The following SLC35F1 variants were observed in gnomAD, a reference collection of about 807,000 sequenced individuals.
The protein encoded by SLC35F1 is chromosome 6 open reading frame 169.
A neutral mutation model predicts 48.7 loss-of-function variants in SLC35F1; 14 were observed. That is an observed-to-expected ratio of 0.29 (90% CI 0.19 to 0.45). SLC35F1 has a LOEUF of 0.45. Among genes scored for constraint, SLC35F1 ranks in the 20% least tolerant of loss-of-function variants. The pLI is 1.00. For missense variants in SLC35F1, 404 were observed against 500.0 expected, an observed-to-expected ratio of 0.81 and a Z score of 1.83; for synonymous variants, 190 against 202.2, an observed-to-expected ratio of 0.94 and a Z score of 0.51.
intron 3 of SLC35F1, among the ~76,000 whole-genome samples, chr6:118,249,813 C>G (rs1289154407): frequency 6.6e-6 from 1 of 152,024 alleles, no homozygotes; most frequent in African/African-American, 2.4e-5. Context: ...AGCCTTTGAA[C>G]AGGAAGACAG....
intron 1 of SLC35F1, among the ~76,000 whole-genome samples, chr6:117,915,547 T>C (rs921566632): frequency 2.6e-5 from 4 of 151,774 alleles, no homozygotes; most frequent in Non-Finnish European, 4.4e-5. Flanking sequence ...AAGTAAGAGA[T>C]TGGGGAAGAA....
chr6:117,991,006 T>C (rs1445308622), intron 1 of SLC35F1, among the ~76,000 whole-genome samples: 1 of 152,216 alleles, frequency 6.6e-6, no homozygotes, highest in Non-Finnish European at 1.5e-5. Context: ...TTGCCAGTTC[T>C]TAATTTTTTT....
intron 1 of SLC35F1, among the ~76,000 whole-genome samples, chr6:117,927,768 G>T (rs143999530): frequency 4.6e-5 from 7 of 152,196 alleles, no homozygotes; most frequent in African/African-American, 1.7e-4. Flanking sequence ...CAAGTTTTGA[G>T]TTCTGGGATT....
chr6:117,994,208 C>CA (rs1318222508), intron 1 of SLC35F1, among the ~76,000 whole-genome samples: 1 of 151,974 alleles, frequency 6.6e-6, no homozygotes, highest in African/African-American at 2.4e-5. Context: ...CATTGCCCCC[C>CA]CCATCCTCAA....
chr6:118,042,771 C>G (rs7741406), intron 1 of SLC35F1, among the ~76,000 whole-genome samples: 112,759 of 151,978 alleles, frequency 0.74, 42,765 homozygotes, highest in East Asian at 0.83. Context: ...AGGAAGGGCT[C>G]GATCTAAGAG....
At position 117,951,881 on chromosome 6, in the gene SLC35F1, A is replaced by G. The variant is rs547396331; in HGVS notation, c.173+43982A>G. Among the ~76,000 whole-genome samples the G allele has an allele frequency of 4.6e-5, 7 of 152,304 alleles. No individual in the cohort carries two copies. The East Asian group carries it at 1.2e-3, about 25-fold the overall frequency. On this transcript the variant is annotated intron_variant, in intron 1 of 7. Coordinates refer to ENST00000360388, the MANE Select transcript of SLC35F1 (RefSeq NM_001029858.4). Reference sequence around the variant, plus strand: ...GGGATTCAGTCCTGATTGCCAATGGACTGCGCCTAAAGCTATCCATTAAGC... The same window carrying G: ...GGGATTCAGTCCTGATTGCCAATGGGCTGCGCCTAAAGCTATCCATTAAGC...
At chr6:118,031,941 G>C (rs1246317117) in intron 1 of SLC35F1, among the ~76,000 whole-genome samples, 1 of 152,020 alleles carries the variant, frequency 6.6e-6, no homozygotes, top group East Asian at 1.9e-4. Flanking sequence ...CCCTGTCCCT[G>C]TTTTCCCTAG....
chr6:117,909,949 T>G (rs576768202), intron 1 of SLC35F1, among the ~76,000 whole-genome samples: 90 of 152,284 alleles, frequency 5.9e-4, no homozygotes, highest in Middle Eastern at 3.4e-3. Context: ...CCTTTAGACT[T>G]AAGCTAAAAC....
chr6:118,238,679 C>T (rs1775398626), intron 3 of SLC35F1, among the ~76,000 whole-genome samples: 1 of 152,120 alleles, frequency 6.6e-6, no homozygotes, highest in Non-Finnish European at 1.5e-5. Context: ...TGTCCTTCTT[C>T]CTTCATGTCC....
chr6:118,023,450 G>A (rs755046750), intron 1 of SLC35F1, among the ~76,000 whole-genome samples: 1 of 152,140 alleles, frequency 6.6e-6, no homozygotes, highest in Non-Finnish European at 1.5e-5. Flanking sequence ...TAATCACTGA[G>A]AGAAAATTTG....
chr6:118,309,945 A>G (rs1183017381), intron 7 of SLC35F1, among the ~76,000 whole-genome samples: 1 of 152,204 alleles, frequency 6.6e-6, no homozygotes, highest in Non-Finnish European at 1.5e-5. Flanking sequence ...GGGGATTTTC[A>G]TTATGTGCAG....
At chr6:117,996,527 C>T (rs1482901711) in intron 1 of SLC35F1, among the ~76,000 whole-genome samples, 2 of 152,144 alleles carry the variant, frequency 1.3e-5, no homozygotes, top group African/African-American at 2.4e-5. Flanking sequence ...CTGGGAGGCA[C>T]CCCCCAGTAG....
intron 2 of SLC35F1, 33 bp from the exon 3 acceptor site, chr6:118,235,476 C>A: frequency 2.5e-6 from 4 of 1,597,214 alleles, no homozygotes; most frequent in Non-Finnish European, 3.4e-6. Context: ...ATTTCAGGAA[C>A]CTAACCCATT....
intron 1 of SLC35F1, among the ~76,000 whole-genome samples, chr6:118,064,797 C>T (rs1278275714): frequency 6.6e-6 from 1 of 152,128 alleles, no homozygotes; most frequent in African/African-American, 2.4e-5. Context: ...TGTGGTCATG[C>T]CTTTTCTCTC....
intron 1 of SLC35F1, among the ~76,000 whole-genome samples, chr6:118,133,912 G>A (rs568025359): frequency 1.3e-4 from 20 of 152,316 alleles, no homozygotes; most frequent in African/African-American, 4.6e-4. Flanking sequence ...TCCTAGAAGC[G>A]TTGGCCTATC....
chr6:118,274,211 T>C (rs1451530694), intron 4 of SLC35F1, among the ~76,000 whole-genome samples: 1 of 152,142 alleles, frequency 6.6e-6, no homozygotes, highest in Non-Finnish European at 1.5e-5. Flanking sequence ...TGCTGACTTA[T>C]GCAGGACAGA....
intron 1 of SLC35F1, among the ~76,000 whole-genome samples, chr6:118,147,303 T>C (rs1773988178): frequency 6.6e-6 from 1 of 152,134 alleles, no homozygotes; most frequent in Admixed American, 6.6e-5. Flanking sequence ...TGGTCCTCTG[T>C]ATCAACTGAG....
chr6:117,982,565 G>C (rs1386148202), intron 1 of SLC35F1, among the ~76,000 whole-genome samples: 1 of 152,212 alleles, frequency 6.6e-6, no homozygotes. Context: ...GTGGGATGAT[G>C]AGTTGACATT....
chr6:118,133,687 A>T (rs1307335136), intron 1 of SLC35F1, among the ~76,000 whole-genome samples: 1 of 152,214 alleles, frequency 6.6e-6, no homozygotes, highest in Admixed American at 6.5e-5. Context: ...TAATGCAGAG[A>T]TCCAGAACAC....
Sources: gnomAD v4.1 joint callset for allele counts (sites outside exome capture counted in the v4.1 genomes callset) on GRCh38, gnomAD v4.1.1 for gene constraint, MANE v1.5 for transcripts, NCBI Gene and HGNC (gene_info 2026-07-23, HGNC 2026-07-21) for gene names.